COG6: variants seen among roughly 807,000 people sequenced by gnomAD.
COG6 encodes the protein component of oligomeric golgi complex 6.
COG6 carries 74 observed loss-of-function variants against 88.8 expected under a neutral mutation model. That is an observed-to-expected ratio of 0.83 (90% CI 0.69 to 1.01). The LOEUF is 1.01. Ranked by LOEUF, COG6 falls within the 50% of genes least tolerant of loss-of-function variation. COG6 has a pLI of 0.00. For missense variants in COG6, 800 were observed against 797.9 expected (o/e 1.00, Z -0.03); for synonymous variants, 286 against 278.7 (o/e 1.03, Z -0.26).
intron 1 of COG6, chr13:39,656,849 T>A: frequency 2.2e-6 from 1 of 456,034 alleles, no homozygotes; most frequent in Non-Finnish European, 4.4e-6. Context: ...TGCTGTTAAG[T>A]TTCTCATGGT....
At chr13:39,679,930 A>G (rs1350134640) in intron 6 of COG6, 45 bp from the exon 7 acceptor site, 2 of 999,472 alleles carry the variant, frequency 2.0e-6, no homozygotes, top group African/African-American at 3.3e-5. Context: ...GCTTAGATGT[A>G]TCTGTTGACT....
intron 4 of COG6, among the ~76,000 whole-genome samples, chr13:39,676,917 T>C (rs935507960): frequency 2.6e-5 from 4 of 152,112 alleles, no homozygotes; most frequent in Non-Finnish European, 5.9e-5. Flanking sequence ...GTTGTTTTTA[T>C]TACTATATTT....
intron 13 of COG6, among the ~76,000 whole-genome samples, chr13:39,707,064 T>C (rs1220333374): frequency 6.6e-6 from 1 of 152,142 alleles, no homozygotes; most frequent in Non-Finnish European, 1.5e-5. Flanking sequence ...GAAATAAGTA[T>C]TTAATAATAA....
chr13:39,676,282 A>G (rs1441722989), intron 4 of COG6, among the ~76,000 whole-genome samples: 1 of 152,164 alleles, frequency 6.6e-6, no homozygotes, highest in East Asian at 1.9e-4. Flanking sequence ...CCCAAGTTGT[A>G]TAACTACCAG....
intron 18 of COG6, among the ~76,000 whole-genome samples, chr13:39,766,325 C>T (rs1881164223): frequency 6.6e-6 from 1 of 152,154 alleles, no homozygotes; most frequent in African/African-American, 2.4e-5. Flanking sequence ...TCAGGGGCTT[C>T]CATTCAGAGG....
intron 13 of COG6, among the ~76,000 whole-genome samples, chr13:39,708,057 T>C (rs1467507989): frequency 1.3e-5 from 2 of 152,184 alleles, no homozygotes; most frequent in African/African-American, 4.8e-5. Flanking sequence ...TGTTAGTCTT[T>C]TTAATTTTAG....
intron 15 of COG6, among the ~76,000 whole-genome samples, chr13:39,720,771 T>C (rs997484315): frequency 1.4e-4 from 22 of 152,204 alleles, no homozygotes; most frequent in African/African-American, 4.6e-4. Flanking sequence ...TTGCTACTTA[T>C]AGATTTTTTT....
chr13:39,763,326 G>A (rs369543571), intron 18 of COG6, among the ~76,000 whole-genome samples: 3 of 151,526 alleles, frequency 2.0e-5, no homozygotes, highest in Non-Finnish European at 3.0e-5. Flanking sequence ...CCTTTTTATC[G>A]TTTCTTGCTA....
intron 13 of COG6, among the ~76,000 whole-genome samples, chr13:39,715,307 T>G (rs1379232215): frequency 6.6e-6 from 1 of 151,596 alleles, no homozygotes; most frequent in Non-Finnish European, 1.5e-5. Context: ...ACACACATAC[T>G]ATATATTATA....
At chr13:39,664,961 C>G in intron 3 of COG6, 135 bp from the exon 4 acceptor site, 1 of 628,000 alleles carries the variant, frequency 1.6e-6, no homozygotes, top group East Asian at 2.8e-5. Flanking sequence ...CTACGTATTT[C>G]ATTTTATTGT....
intron 13 of COG6, among the ~76,000 whole-genome samples, chr13:39,716,582 C>G (rs73458001): frequency 0.015 from 2,304 of 151,362 alleles, 48 homozygotes; most frequent in African/African-American, 0.053. Context: ...TCTCTGTGTC[C>G]CTGTTACTTC....
intron 12 of COG6, among the ~76,000 whole-genome samples, chr13:39,697,967 TCATCTTCTA>T (rs1051753057): frequency 6.6e-6 from 1 of 152,032 alleles, no homozygotes; most frequent in Non-Finnish European, 1.5e-5. Context: ...AGTTTAACTC[TCATCTTCTA>T]CATCAGGGAA....
chr13:39,675,575 A>G (rs1260899635), intron 4 of COG6, among the ~76,000 whole-genome samples: 5 of 152,184 alleles, frequency 3.3e-5, no homozygotes, highest in African/African-American at 4.8e-5. Context: ...AGCTATATAT[A>G]GAGCCTGTGT....
intron 1 of COG6, chr13:39,656,425 G>A: frequency 3.0e-6 from 1 of 330,804 alleles, no homozygotes; most frequent in Non-Finnish European, 6.0e-6. Context: ...ACTAGTTTTT[G>A]TTGAGCCAAG....
intron 13 of COG6, among the ~76,000 whole-genome samples, chr13:39,714,454 G>A (rs900890986): frequency 6.6e-6 from 1 of 151,926 alleles, no homozygotes; most frequent in African/African-American, 2.4e-5. Flanking sequence ...CCATCAAAAA[G>A]TGGGCAAATG....
chr13:39,715,461 G>C (rs1325811706), intron 13 of COG6, among the ~76,000 whole-genome samples: 1 of 151,850 alleles, frequency 6.6e-6, no homozygotes, highest in Non-Finnish European at 1.5e-5. Context: ...GAAAGGTATT[G>C]GGAACTGACA....
At chr13:39,713,314 A>G (rs1878340747) in intron 13 of COG6, among the ~76,000 whole-genome samples, 1 of 152,218 alleles carries the variant, frequency 6.6e-6, no homozygotes, top group Non-Finnish European at 1.5e-5. Flanking sequence ...AGCCCACTTA[A>G]TTCTAGTATT....
rs531782000 is a variant in COG6 at position 39,668,200 on chromosome 13, C to G, written c.428+3046C>G. On this transcript the variant is annotated intron_variant, in intron 4 of 18. Transcript: ENST00000455146. ...TGGCCTCCATCCTCAGAGAATCTGA[C>G]TGAAAAAAGTAAGCAACTGTGTTTT... Among the ~76,000 whole-genome samples the G allele has an allele frequency of 2.8e-4, 42 of 152,158 alleles. No homozygotes were observed. The South Asian group carries it at 7.1e-3, about 26-fold the overall frequency.
chr13:39,773,401 A>T (rs1177433425), intron 18 of COG6, among the ~76,000 whole-genome samples: 1 of 152,222 alleles, frequency 6.6e-6, no homozygotes, highest in Non-Finnish European at 1.5e-5. Flanking sequence ...AAGATAATTT[A>T]TGCCATTTTT....
Sources: allele counts gnomAD v4.1 joint callset (sites outside exome capture counted in the v4.1 genomes callset), GRCh38; gene constraint gnomAD v4.1.1; transcripts MANE v1.5; gene names NCBI Gene and HGNC (gene_info 2026-07-23, HGNC 2026-07-21).